The following LHFPL3 variants were observed in gnomAD, a reference collection of about 807,000 sequenced individuals.
LHFPL3 encodes LHFPL tetraspan subfamily member 3 protein.
A neutral mutation model predicts 19.3 loss-of-function variants in LHFPL3; 5 were observed. The observed-to-expected ratio is 0.26, with a 90% CI of 0.14 to 0.54. The LOEUF (loss-of-function observed/expected upper bound fraction) is 0.54, where lower values mean the gene tolerates loss of function less well. LHFPL3 is among the 20% of genes least tolerant of loss of function. LHFPL3 has a pLI of 0.94. For synonymous variants in LHFPL3, 133 were observed against 126.2 expected, an observed-to-expected ratio of 1.05 and a Z score of -0.36; for missense variants, 249 against 307.4, an observed-to-expected ratio of 0.81 and a Z score of 1.42.
At chr7:104,642,318 G>A (rs1408094286) in intron 1 of LHFPL3, among the ~76,000 whole-genome samples, 1 of 151,984 alleles carries the variant, frequency 6.6e-6, no homozygotes, top group African/African-American at 2.4e-5. Flanking sequence ...GTGAGCCACC[G>A]TACCTGGCCC....
intron 2 of LHFPL3, among the ~76,000 whole-genome samples, chr7:104,819,135 G>T (rs1329193231): frequency 1.3e-5 from 2 of 151,958 alleles, no homozygotes. Context: ...CCCTGTAAAT[G>T]CAACTGAAAA....
chr7:104,880,934 G>T (rs1301050253), intron 2 of LHFPL3, among the ~76,000 whole-genome samples: 1 of 152,120 alleles, frequency 6.6e-6, no homozygotes, highest in Non-Finnish European at 1.5e-5. Context: ...ACTTTGGGAG[G>T]CCAAGGCGGG....
At chr7:104,564,901 A>G (rs956675486) in intron 1 of LHFPL3, among the ~76,000 whole-genome samples, 5 of 152,350 alleles carry the variant, frequency 3.3e-5, no homozygotes, top group African/African-American at 1.2e-4. Flanking sequence ...GTGCTAGAGT[A>G]GAGACTTAGT....
At chr7:104,813,429 AT>A (rs1281544290) in intron 2 of LHFPL3, among the ~76,000 whole-genome samples, 1 of 152,158 alleles carries the variant, frequency 6.6e-6, no homozygotes, top group Non-Finnish European at 1.5e-5. Flanking sequence ...TTGGGGTACC[AT>A]TTTTCTGGTC....
chr7:104,648,900 AT>A (rs1363297999), intron 1 of LHFPL3, among the ~76,000 whole-genome samples: 1 of 152,188 alleles, frequency 6.6e-6, no homozygotes, highest in Non-Finnish European at 1.5e-5. Flanking sequence ...TAATTCTGTA[AT>A]TATTCTGCTG....
At chr7:104,561,889 A>T (rs1790012417) in intron 1 of LHFPL3, among the ~76,000 whole-genome samples, 2 of 151,988 alleles carry the variant, frequency 1.3e-5, no homozygotes, top group South Asian at 2.1e-4. Flanking sequence ...TGGTGACAAA[A>T]TCTCTCAGCA....
intron 1 of LHFPL3, among the ~76,000 whole-genome samples, chr7:104,454,806 G>A (rs1320624837): frequency 6.6e-6 from 1 of 151,960 alleles, no homozygotes. Context: ...AGACAGAAGG[G>A]GCATAATTGC....
chr7:104,490,794 G>A (rs1793329463), intron 1 of LHFPL3, among the ~76,000 whole-genome samples: 1 of 152,138 alleles, frequency 6.6e-6, no homozygotes, highest in Non-Finnish European at 1.5e-5. Flanking sequence ...TATGAAAACT[G>A]AGGCTTCTCT....
chr7:104,409,505 A>C (rs1584300250), intron 1 of LHFPL3, among the ~76,000 whole-genome samples: 3 of 152,096 alleles, frequency 2.0e-5, no homozygotes, highest in South Asian at 2.1e-4. Context: ...AGTCCTGGCT[A>C]TTCAGGAGGC....
chr7:104,586,591 A>G lies in LHFPL3; in HGVS notation c.446-150084A>G, dbSNP rs149633149. On this transcript the variant is annotated intron_variant, in intron 1 of 2. Coordinates refer to ENST00000424859, the MANE Select transcript of LHFPL3 (RefSeq NM_199000.3). ...CAGGTCCCCTTTCTTAAAAGTTGGC[A>G]AGGTATTGGATTTTTTAAAAAATAA... 4.1e-3 allele frequency among the ~76,000 whole-genome samples: 622 copies of G among 152,232 alleles called. 9 individuals are homozygous for G. The highest frequency in any genetic ancestry group is 0.014 in the African/African-American group (570 of 41,550).
intron 1 of LHFPL3, among the ~76,000 whole-genome samples, chr7:104,474,681 CAACAACAAAAAAAA>C (rs1792974703): frequency 1.7e-5 from 1 of 59,146 alleles, no homozygotes; most frequent in African/African-American, 6.9e-5. Flanking sequence ...ACAACAACAA[CAACAACAAAAAAAA>C]AAAAAAAAAA....
chr7:104,408,283 T>G (rs1294990273), intron 1 of LHFPL3, among the ~76,000 whole-genome samples: 1 of 152,234 alleles, frequency 6.6e-6, no homozygotes, highest in East Asian at 1.9e-4. Flanking sequence ...ATTTCTGTTA[T>G]TTCAGAATCC....
At chr7:104,769,643 T>C (rs1042407882) in intron 2 of LHFPL3, among the ~76,000 whole-genome samples, 3 of 146,462 alleles carry the variant, frequency 2.0e-5, no homozygotes, top group Non-Finnish European at 3.0e-5. Flanking sequence ...CGGTGTGTGA[T>C]GTTCCCCTCC....
At chr7:104,893,795 T>C (rs1418549552) in intron 2 of LHFPL3, among the ~76,000 whole-genome samples, 1 of 151,734 alleles carries the variant, frequency 6.6e-6, no homozygotes, top group Non-Finnish European at 1.5e-5. Context: ...CTACTAAAAA[T>C]GCAAAAATTA....
At chr7:104,692,416 A>C (rs752617478) in intron 1 of LHFPL3, among the ~76,000 whole-genome samples, 9 of 152,242 alleles carry the variant, frequency 5.9e-5, no homozygotes, top group Non-Finnish European at 1.0e-4. Flanking sequence ...CTCCCATCAC[A>C]GGCCCAAAGG....
intron 1 of LHFPL3, among the ~76,000 whole-genome samples, chr7:104,552,694 C>A (rs1287231553): frequency 6.6e-6 from 1 of 152,010 alleles, no homozygotes; most frequent in Non-Finnish European, 1.5e-5. Flanking sequence ...GTAATTAATC[C>A]CTGTCATGAA....
At chr7:104,816,693 C>G (rs533520124) in intron 2 of LHFPL3, among the ~76,000 whole-genome samples, 2 of 152,330 alleles carry the variant, frequency 1.3e-5, no homozygotes, top group African/African-American at 4.8e-5. Context: ...CAAAGGCACA[C>G]AGTGGCTGTC....
Position 104,906,252 on chromosome 7 carries a change from A to G in LHFPL3, c.*37A>G, listed in dbSNP as rs1335389816. On this transcript the variant is annotated 3_prime_UTR_variant, in exon 3 of 3. Transcript: ENST00000424859. Reference sequence around the variant, plus strand: ...ATCGAATAACAGCTAAACAAATCGAATAACAGCTAAACGAATCGAATAACA... The same window carrying G: ...ATCGAATAACAGCTAAACAAATCGAGTAACAGCTAAACGAATCGAATAACA... The G allele has an allele frequency of 5.0e-6, 8 of 1,594,974 alleles. No individual in the cohort carries two copies. In the East Asian group the frequency reaches 1.3e-4, roughly 27 times the overall value.
intron 2 of LHFPL3, among the ~76,000 whole-genome samples, chr7:104,752,459 C>A (rs924761246): frequency 5.5e-5 from 8 of 144,856 alleles, no homozygotes; most frequent in Non-Finnish European, 1.2e-4. Context: ...AATGATATTA[C>A]CCTTCCTACC....
Sources: gnomAD v4.1 joint callset for allele counts (sites outside exome capture counted in the v4.1 genomes callset) on GRCh38, gnomAD v4.1.1 for gene constraint, MANE v1.5 for transcripts, NCBI Gene and HGNC (gene_info 2026-07-23, HGNC 2026-07-21) for gene names.